NRF1: variants seen among roughly 807,000 people sequenced by gnomAD.
NRF1 encodes alpha palindromic-binding protein.
In NRF1, 5 loss-of-function variants were observed where a neutral mutation model predicts 58.5. The ratio of observed to expected loss-of-function variants is 0.09; its 90% confidence interval spans 0.04 to 0.18. The LOEUF is 0.18. Ranked by LOEUF, NRF1 falls within the 10% of genes least tolerant of loss-of-function variation. The pLI is 1.00. For missense variants in NRF1, 288 were observed against 657.7 expected, an observed-to-expected ratio of 0.44 and a Z score of 6.15; for synonymous variants, 224 against 246.7, an observed-to-expected ratio of 0.91 and a Z score of 0.86.
chr7:129,645,134 TTA>T (rs945359453), intron 1 of NRF1, among the ~76,000 whole-genome samples: 1 of 152,224 alleles, frequency 6.6e-6, no homozygotes, highest in African/African-American at 2.4e-5. Flanking sequence ...TAAGTTACAC[TTA>T]TATAGCACTC....
intron 1 of NRF1, among the ~76,000 whole-genome samples, chr7:129,634,989 T>C (rs1801137202): frequency 1.3e-5 from 2 of 152,206 alleles, no homozygotes; most frequent in African/African-American, 2.4e-5. Flanking sequence ...TCCTTTTCCA[T>C]GTGTTTTTAC....
intron 3 of NRF1, among the ~76,000 whole-genome samples, chr7:129,672,618 C>T (rs1429824360): frequency 6.6e-6 from 1 of 152,036 alleles, no homozygotes; most frequent in African/African-American, 2.4e-5. Context: ...AGATGTATTT[C>T]GAAAGTCAAC....
chr7:129,735,809 C>T (rs1184680248), intron 10 of NRF1, among the ~76,000 whole-genome samples: 1 of 152,020 alleles, frequency 6.6e-6, no homozygotes, highest in Non-Finnish European at 1.5e-5. Flanking sequence ...GAGATCGAGA[C>T]CATCCTGACT....
intron 5 of NRF1, among the ~76,000 whole-genome samples, chr7:129,708,456 C>G (rs1803000504): frequency 6.6e-6 from 1 of 152,120 alleles, no homozygotes; most frequent in Non-Finnish European, 1.5e-5. Context: ...TGGACAGTGG[C>G]CTAGCTTACT....
Position 129,691,364 on chromosome 7 carries a change from A to ATT in NRF1, c.606+832_606+833dup, listed in dbSNP as rs35512508. 1.9e-3 allele frequency among the ~76,000 whole-genome samples: 255 copies of ATT among 134,138 alleles called. 3 individuals are homozygous for ATT. The highest frequency in any genetic ancestry group is 4.0e-3 in the South Asian group (17 of 4,244). 88.0% of individuals were successfully genotyped at this position (134,138 alleles called of 152,430 possible). On this transcript the variant is annotated intron_variant, in intron 5 of 10. Coordinates refer to ENST00000393232, the MANE Select transcript of NRF1 (RefSeq NM_005011.5). ...TATTTATTTATTTATTATTATTATT[A>ATT]TTTTTTTTTTTTTTTGAGACAGAGT... is the stretch of plus-strand genomic sequence containing the variant.
intron 1 of NRF1, among the ~76,000 whole-genome samples, chr7:129,612,186 C>T (rs1327981451): frequency 3.3e-5 from 5 of 150,938 alleles, no homozygotes; most frequent in African/African-American, 9.7e-5. Context: ...AGCTCGGGAG[C>T]GGGAGGCGCG....
At chr7:129,658,597 A>G (rs748165311) in intron 2 of NRF1, among the ~76,000 whole-genome samples, 6 of 105,414 alleles carry the variant, frequency 5.7e-5, no homozygotes, top group Non-Finnish European at 1.1e-4. Context: ...TGTCCAGTTG[A>G]AAAAAAAAAA....
At chr7:129,723,691 G>C (rs1219576878) in intron 9 of NRF1, among the ~76,000 whole-genome samples, 1 of 152,126 alleles carries the variant, frequency 6.6e-6, no homozygotes, top group Non-Finnish European at 1.5e-5. Context: ...GAATGGTGTT[G>C]GCACCCTTGT....
Position 129,715,272 on chromosome 7 carries a change from C to T in NRF1, c.1066-1947C>T, listed in dbSNP as rs543428132. On this transcript the variant is annotated intron_variant, in intron 8 of 10. Coordinates refer to ENST00000393232, the MANE Select transcript of NRF1 (RefSeq NM_005011.5). ...CTATTGGCATCTAGCGGGTACAAGC[C>T]GGGATGCTGCTAACCATCCTGCAAT... 3.3e-5 allele frequency among the ~76,000 whole-genome samples: 5 copies of T among 152,254 alleles called. No individual in the cohort carries two copies. The South Asian group carries it at 6.2e-4, about 19-fold the overall frequency.
chr7:129,665,253 T>C (rs1584621480), intron 2 of NRF1, among the ~76,000 whole-genome samples: 1 of 152,154 alleles, frequency 6.6e-6, no homozygotes, highest in African/African-American at 2.4e-5. Flanking sequence ...AGGGGCTGTG[T>C]GTGGTAAGGA....
intron 9 of NRF1, among the ~76,000 whole-genome samples, chr7:129,720,170 GC>G (rs1298661795): frequency 6.6e-6 from 1 of 152,178 alleles, no homozygotes; most frequent in African/African-American, 2.4e-5. Context: ...GTAGTTCGAT[GC>G]CCCAATGAGT....
intron 1 of NRF1, among the ~76,000 whole-genome samples, chr7:129,648,572 C>G (rs1252292930): frequency 6.6e-6 from 1 of 152,200 alleles, no homozygotes; most frequent in African/African-American, 2.4e-5. Flanking sequence ...AGCCACCACA[C>G]CCAGCTTGAC....
chr7:129,739,672 G>A (rs772965412), intron 10 of NRF1, among the ~76,000 whole-genome samples: 1 of 152,080 alleles, frequency 6.6e-6, no homozygotes, highest in South Asian at 2.1e-4. Flanking sequence ...ACCTGAGACC[G>A]GAGACAGTGG....
At chr7:129,682,630 TAA>T (rs771494622) in intron 4 of NRF1, among the ~76,000 whole-genome samples, 2,235 of 87,826 alleles carry the variant, frequency 0.025, 43 homozygotes, top group African/African-American at 0.076. Context: ...CAAAAAAATG[TAA>T]AAAAAAAAAA....
intron 1 of NRF1, among the ~76,000 whole-genome samples, chr7:129,622,426 A>G (rs189670548): frequency 6.6e-6 from 1 of 152,312 alleles, no homozygotes; most frequent in African/African-American, 2.4e-5. Flanking sequence ...TCTGTGTTAC[A>G]TGTTAAACAA....
intron 10 of NRF1, 113 bp downstream of exon 10, chr7:129,727,478 T>G (rs1803476349): frequency 2.8e-6 from 3 of 1,069,638 alleles, no homozygotes; most frequent in East Asian, 6.3e-5. Context: ...TTTTTTTTCT[T>G]CATTGGTAGA....
At chr7:129,666,407 ACT>A (rs1322604398) in intron 2 of NRF1, among the ~76,000 whole-genome samples, 1 of 151,950 alleles carries the variant, frequency 6.6e-6, no homozygotes, top group African/African-American at 2.4e-5. Context: ...TAATGGTATC[ACT>A]CTGATACTAT....
chr7:129,673,664 C>T (rs1244031288), intron 3 of NRF1, among the ~76,000 whole-genome samples: 2 of 127,896 alleles, frequency 1.6e-5, no homozygotes, highest in African/African-American at 6.0e-5. Context: ...TTGCAGTGAG[C>T]GGAGATCGCG....
intron 10 of NRF1, chr7:129,744,070 C>A: frequency 9.5e-7 from 1 of 1,048,302 alleles, no homozygotes; most frequent in Non-Finnish European, 1.4e-6. Flanking sequence ...CACCCTGCAC[C>A]AGATGTGCAT....
Sources: gnomAD v4.1 joint callset for allele counts (sites outside exome capture counted in the v4.1 genomes callset) on GRCh38, gnomAD v4.1.1 for gene constraint, MANE v1.5 for transcripts, NCBI Gene and HGNC (gene_info 2026-07-23, HGNC 2026-07-21) for gene names.